GPM6A: variants seen among roughly 807,000 people sequenced by gnomAD.
GPM6A encodes neuronal membrane glycoprotein M6-a.
In GPM6A, 7 loss-of-function variants were observed where a neutral mutation model predicts 32.1. That is an observed-to-expected ratio of 0.22 (90% CI 0.12 to 0.41). The LOEUF (loss-of-function observed/expected upper bound fraction) is 0.41. Among genes scored for constraint, GPM6A ranks in the 10% least tolerant of loss-of-function variants. The pLI is 1.00. For missense variants in GPM6A, 235 were observed against 347.2 expected (o/e 0.68, Z 2.57); for synonymous variants, 130 against 123.4 (o/e 1.05, Z -0.35).
At chr4:175,876,774 G>A (rs550267988) in intron 1 of GPM6A, among the ~76,000 whole-genome samples, 1 of 152,230 alleles carries the variant, frequency 6.6e-6, no homozygotes, top group East Asian at 1.9e-4. Flanking sequence ...CGAACAACCC[G>A]AGTCTTTTTT....
chr4:175,680,466 C>T (rs1221543449), intron 2 of GPM6A, among the ~76,000 whole-genome samples: 2 of 152,112 alleles, frequency 1.3e-5, no homozygotes, highest in Admixed American at 6.5e-5. Flanking sequence ...CACACCTTGC[C>T]CAAGACTGAG....
intron 1 of GPM6A, among the ~76,000 whole-genome samples, chr4:175,915,254 CAGACAG>C (rs1738454068): frequency 6.6e-6 from 1 of 151,422 alleles, no homozygotes; most frequent in African/African-American, 2.4e-5. Flanking sequence ...ACATCTATAC[CAGACAG>C]GAGGCTATCC....
chr4:175,925,587 C>T (rs1239231213), intron 1 of GPM6A, among the ~76,000 whole-genome samples: 2 of 151,858 alleles, frequency 1.3e-5, no homozygotes, highest in East Asian at 1.9e-4. Flanking sequence ...AAATGTTCAT[C>T]GACAAAAAAT....
At chr4:175,854,605 G>A (rs2111408349) in intron 1 of GPM6A, among the ~76,000 whole-genome samples, 1 of 152,266 alleles carries the variant, frequency 6.6e-6, no homozygotes, top group Non-Finnish European at 1.5e-5. Flanking sequence ...CCCTATAATT[G>A]CCTTGTTACT....
chr4:175,970,963 T>A, intron 1 of GPM6A: 1 of 451,520 alleles, frequency 2.2e-6, no homozygotes. Context: ...CCAGAGCCTG[T>A]GCTTGAGCAG....
intron 1 of GPM6A, among the ~76,000 whole-genome samples, chr4:175,920,060 G>C (rs1052471668): frequency 6.6e-6 from 1 of 152,248 alleles, no homozygotes; most frequent in Admixed American, 6.5e-5. Context: ...AACCTCTAAA[G>C]GTGATGGAGC....
chr4:175,746,761 TAAATG>T (rs1732119406), intron 1 of GPM6A, among the ~76,000 whole-genome samples: 1 of 152,136 alleles, frequency 6.6e-6, no homozygotes, highest in African/African-American at 2.4e-5. Context: ...CTGAAAACCT[TAAATG>T]CTAGACATAA....
At chr4:175,884,827 C>T (rs1163400926) in intron 1 of GPM6A, among the ~76,000 whole-genome samples, 5 of 152,116 alleles carry the variant, frequency 3.3e-5, no homozygotes, top group Non-Finnish European at 7.4e-5. Context: ...AGCCACCGTG[C>T]CAGGCCAATT....
chr4:175,658,121 T>C (rs943823647), intron 3 of GPM6A, among the ~76,000 whole-genome samples: 1 of 152,106 alleles, frequency 6.6e-6, no homozygotes, highest in Non-Finnish European at 1.5e-5. Flanking sequence ...TTGTTACGCT[T>C]ATAACAACTT....
intron 1 of GPM6A, among the ~76,000 whole-genome samples, chr4:175,776,433 C>A (rs1454676398): frequency 6.6e-6 from 1 of 152,142 alleles, no homozygotes; most frequent in Non-Finnish European, 1.5e-5. Flanking sequence ...GAAGCTCACA[C>A]TGAAAGAGCA....
intron 1 of GPM6A, among the ~76,000 whole-genome samples, chr4:175,773,445 TC>T (rs1311490121): frequency 6.6e-6 from 1 of 152,064 alleles, no homozygotes; most frequent in East Asian, 1.9e-4. Context: ...AAATAAAATC[TC>T]AACATTCAAA....
chr4:175,941,596 T>C (rs948975277), intron 1 of GPM6A, among the ~76,000 whole-genome samples: 15 of 152,194 alleles, frequency 9.9e-5, no homozygotes, highest in African/African-American at 3.6e-4. Context: ...TCTGTGTCCA[T>C]GTGTTCTCAT....
At chr4:175,933,779 C>T (rs1043459024) in intron 1 of GPM6A, among the ~76,000 whole-genome samples, 1 of 152,040 alleles carries the variant, frequency 6.6e-6, no homozygotes, top group Non-Finnish European at 1.5e-5. Context: ...CTCCTGACCT[C>T]GTGATCCGCC....
chr4:175,686,643 G>A (rs1743996408), intron 2 of GPM6A, among the ~76,000 whole-genome samples: 2 of 152,212 alleles, frequency 1.3e-5, no homozygotes, highest in Admixed American at 1.3e-4. Flanking sequence ...CCGGGAAGAG[G>A]CCACCCTTGC....
At chr4:175,810,637 G>C (rs561044890) in intron 1 of GPM6A, among the ~76,000 whole-genome samples, 3 of 152,202 alleles carry the variant, frequency 2.0e-5, no homozygotes, top group African/African-American at 7.2e-5. Context: ...TTAACTCAAG[G>C]TTTTATTTAG....
At chr4:175,901,035 A>G (rs377206770) in intron 1 of GPM6A, among the ~76,000 whole-genome samples, 45 of 152,202 alleles carry the variant, frequency 3.0e-4, no homozygotes, top group African/African-American at 1.0e-3. Context: ...AAATACAAAT[A>G]TCATATGTCC....
intron 2 of GPM6A, among the ~76,000 whole-genome samples, chr4:175,678,902 C>A (rs2111000566): frequency 6.6e-6 from 1 of 152,286 alleles, no homozygotes; most frequent in Non-Finnish European, 1.5e-5. Flanking sequence ...AGCAACTTTA[C>A]ATCCTTTCTC....
At chr4:175,819,450 T>C (rs571771556) in intron 1 of GPM6A, among the ~76,000 whole-genome samples, 3 of 152,192 alleles carry the variant, frequency 2.0e-5, no homozygotes, top group Non-Finnish European at 4.4e-5. Context: ...TGGAACAAAG[T>C]ATGATAGGTG....
intron 1 of GPM6A, among the ~76,000 whole-genome samples, chr4:175,882,851 C>T (rs903369219): frequency 6.6e-6 from 1 of 151,928 alleles, no homozygotes; most frequent in Non-Finnish European, 1.5e-5. Context: ...AGTGAGAAAA[C>T]TCAAGAAAAT....
Sources: allele counts gnomAD v4.1 joint callset (sites outside exome capture counted in the v4.1 genomes callset), GRCh38; gene constraint gnomAD v4.1.1; transcripts MANE v1.5; gene names NCBI Gene and HGNC (gene_info 2026-07-23, HGNC 2026-07-21).